Variants in MN1 observed in about 807,000 individuals in gnomAD.
MN1 encodes the protein transcriptional activator MN1.
MN1 carries 19 observed loss-of-function variants against 86.9 expected under a neutral mutation model. The observed-to-expected ratio is 0.22, with a 90% CI of 0.15 to 0.32. The LOEUF is 0.32. Among genes scored for constraint, MN1 ranks in the 10% least tolerant of loss-of-function variants. The pLI, the probability that MN1 is intolerant of heterozygous loss-of-function variation, is 1.00. For missense variants in MN1, 1,841 were observed against 1,862.0 expected (o/e 0.99, Z 0.21); for synonymous variants, 928 against 849.6 (o/e 1.09, Z -1.60).
rs1198450862 is a variant in MN1, at chr22:27,799,924, G to C, written c.620C>G (p.Pro207Arg). The change falls in exon 1 of 2, where the codon CCG becomes CGG. Residue 207 changes from proline (P) to arginine (R), a missense_variant. Physicochemically the swap from Pro to Arg is moderately radical, Grantham distance 103. Transcript: ENST00000302326. ...PNRAASFHGL[P>R]SSSGSDSHSL... ...GTGGGAATCGGAGCCGCTGGAGGAC[G>C]GCAGGCCGTGGAAGGAGGCGGCTCG... The C allele has an allele frequency of 6.2e-7, 1 of 1,603,026 alleles. No homozygotes were observed. The highest frequency in any genetic ancestry group is 8.5e-7 in the Non-Finnish European group (1 of 1,175,900).
intron 1 of MN1, among the ~76,000 whole-genome samples, chr22:27,793,440 A>G (rs947843484): frequency 6.6e-6 from 1 of 150,984 alleles, no homozygotes; most frequent in African/African-American, 2.5e-5. Context: ...TATAATTCTC[A>G]CCAATTTAAT....
chr22:27,796,245 T>C (rs762604962), intron 1 of MN1, among the ~76,000 whole-genome samples: 1 of 152,134 alleles, frequency 6.6e-6, no homozygotes, highest in African/African-American at 2.4e-5. Context: ...ACACCAGGGC[T>C]GGTAACTTTT....
intron 1 of MN1, among the ~76,000 whole-genome samples, chr22:27,761,379 T>C (rs909323172): frequency 6.6e-6 from 1 of 151,256 alleles, no homozygotes; most frequent in Non-Finnish European, 1.5e-5. Flanking sequence ...TCTCTAGTTC[T>C]TCTTATTTCT....
intron 1 of MN1, among the ~76,000 whole-genome samples, chr22:27,774,397 G>A (rs1221600999): frequency 1.3e-5 from 2 of 152,152 alleles, no homozygotes; most frequent in African/African-American, 4.8e-5. Context: ...CTCCCCACCA[G>A]AGGGAGCACA....
chr22:27,780,733 C>T lies in MN1; in HGVS notation c.3781+16030G>A, dbSNP rs568707895. On this transcript the variant is annotated intron_variant, in intron 1 of 1. Coordinates refer to ENST00000302326, the MANE Select transcript of MN1 (RefSeq NM_002430.3). ...GCACATCCCCTCTTCTAATTCTCTG[C>T]GTTCTTCTTTGTTGTCTGTCATTCT... is the stretch of plus-strand genomic sequence containing the variant. Among the ~76,000 whole-genome samples the T allele has an allele frequency of 4.7e-4, 72 of 152,254 alleles. 1 individual carries two copies. In the South Asian group the frequency reaches 0.014, roughly 30 times the overall value.
intron 1 of MN1, among the ~76,000 whole-genome samples, chr22:27,754,708 T>C (rs1407467679): frequency 6.6e-6 from 1 of 152,142 alleles, no homozygotes; most frequent in African/African-American, 2.4e-5. Flanking sequence ...CCTCAAGTCA[T>C]GGCCTGCCCC....
Position 27,765,038 on chromosome 22 carries a change from T to C in MN1, c.3782-13942A>G, listed in dbSNP as rs372629118. On this transcript the variant is annotated intron_variant, in intron 1 of 1. Transcript: ENST00000302326. ...TTCTCCAGAGAAATGGTTAAACAAA[T>C]ATCTGGGCACCTCATGACCCAGTCA... Among the ~76,000 whole-genome samples the C allele has an allele frequency of 9.8e-5, 15 of 152,318 alleles. No individual in the cohort carries two copies. The South Asian group carries it at 2.7e-3, about 27-fold the overall frequency.
chr22:27,799,822 G>C lies in MN1; in HGVS notation c.722C>G (p.Ser241Trp). ...GGGCGAAAACATGTCAAAATGTCCC[G>C]AGGGCGCCTCGCCCGGGTAATTGTA... is the stretch of plus-strand genomic sequence containing the variant. ...LEYNYPGEAP[S>W]GHFDMFSPSD... Residue 241 changes from serine to tryptophan, a missense_variant, in exon 1 of 2, where the codon TCG (serine) becomes TGG (tryptophan). Physicochemically the swap from Ser to Trp is radical, Grantham distance 177. Coordinates refer to ENST00000302326, the MANE Select transcript of MN1 (RefSeq NM_002430.3). The C allele has an allele frequency of 6.3e-7, 1 of 1,597,418 alleles. No individual in the cohort carries two copies. Among genetic ancestry groups the C allele is most frequent in the Non-Finnish European group, 8.5e-7 (1 of 1,170,814 alleles).
In MN1 at chr22:27,786,239, G is replaced by A. The variant is rs993823320; in HGVS notation, c.3781+10524C>T. 3.9e-5 allele frequency among the ~76,000 whole-genome samples: 6 copies of A among 152,158 alleles called. No individual in the cohort carries two copies. The East Asian group carries it at 9.6e-4, about 24-fold the overall frequency. ...GGGGAGCCCAGAGAGGAAGAGGGGG[G>A]CCCCCCAAAGAAGCCAGGCTGAAGT... is the stretch of plus-strand genomic sequence containing the variant. On this transcript the variant is annotated intron_variant, in intron 1 of 1. Coordinates refer to ENST00000302326, the MANE Select transcript of MN1 (RefSeq NM_002430.3).
In MN1 at chr22:27,798,561, G is replaced by A; in HGVS notation, c.1983C>T (p.Pro661=). ...CAGGCGGAGGAGGGGGCGCCAGGCT[G>A]GGGTCGTGCGGGCCACAGTCAGCGG... ...GLPADCGPHD[P]SLAPPPPPGG... is the part of the protein sequence containing the mutation. Residue 661 remains proline, a synonymous_variant, in exon 1 of 2, where the codon CCC becomes CCT. Transcript: ENST00000302326. The A allele has an allele frequency of 6.5e-7, 1 of 1,527,368 alleles. No homozygotes were observed. The highest frequency in any genetic ancestry group is 8.7e-7 in the Non-Finnish European group (1 of 1,147,316). The allele number at this position is 1,527,368 out of a possible 1,614,324, so 94.6% of individuals were successfully genotyped here. A position where few individuals can be genotyped will look rare whatever the true frequency, so the allele number is the denominator to read the frequency against.
intron 1 of MN1, among the ~76,000 whole-genome samples, chr22:27,795,740 C>CAT (rs10676566): frequency 0.013 from 1,937 of 151,980 alleles, 19 homozygotes; most frequent in Non-Finnish European, 0.019. Flanking sequence ...CACACACACA[C>CAT]GCACTTTATA....
Position 27,798,071 on chromosome 22 carries a change from G to A in MN1, c.2473C>T (p.Leu825=), listed in dbSNP as rs1310151262. 5 of 1,611,144 alleles carry A rather than the reference G, an allele frequency of 3.1e-6. No homozygotes were observed. The African/African-American group carries it at 6.7e-5, about 22-fold the overall frequency. Residue 825 remains leucine (L), a synonymous_variant, in exon 1 of 2, where the codon CTG becomes TTG. Transcript: ENST00000302326. ...SKDNLFGQSC[L]AALSTACQNM... ...TGGCAAGCGGTGGAGAGCGCAGCCAGGCAGCTCTGGCCGAACAGGTTGTCC... is the reference window on the plus strand; with the variant it reads ...TGGCAAGCGGTGGAGAGCGCAGCCAAGCAGCTCTGGCCGAACAGGTTGTCC...
chr22:27,760,232 C>T (rs1443046062), intron 1 of MN1, among the ~76,000 whole-genome samples: 1 of 152,070 alleles, frequency 6.6e-6, no homozygotes, highest in East Asian at 1.9e-4. Flanking sequence ...GTAGTCTCAA[C>T]TACTTGGGAG....
chr22:27,798,985 T>C lies in MN1; in HGVS notation c.1559A>G (p.Gln520Arg), dbSNP rs1933374860. ...PPLQHPAPDH[Q>R]SLQQQQQQQQ... ...CTGCTGCTGCTGCTGTTGCAGGGAC[T>C]GGTGGTCCGGGGCCGGATGCTGCAG... is the stretch of plus-strand genomic sequence containing the variant. The change falls in exon 1 of 2, where the codon CAG becomes CGG. Residue 520 changes from glutamine (Q) to arginine (R), a missense_variant. Coordinates refer to ENST00000302326, the MANE Select transcript of MN1 (RefSeq NM_002430.3). 3.7e-6 allele frequency: 6 copies of C among 1,606,776 alleles called. No homozygotes were observed. Among genetic ancestry groups the C allele is most frequent in the Admixed American group, 1.7e-5 (1 of 59,128 alleles).
rs1471709384 is a variant in MN1 at position 27,797,201 on chromosome 22, G to T, written c.3343C>A (p.Pro1115Thr). 5 of 1,558,774 alleles carry T rather than the reference G, an allele frequency of 3.2e-6. No homozygotes were observed. In the African/African-American group the frequency reaches 6.8e-5, roughly 21 times the overall value. Reference sequence around the variant, plus strand: ...CCCCCACCGCCGCCGTAGCTGTCAGGGGTCGAGGTAGAGTTAGACATGATG... The same window carrying T: ...CCCCCACCGCCGCCGTAGCTGTCAGTGGTCGAGGTAGAGTTAGACATGATG... ...LGIMSNSTSTPDSYGGGGGPG... is the reference protein window; with the variant it reads ...LGIMSNSTSTTDSYGGGGGPG... Residue 1115 changes from proline (P) to threonine (T), a missense_variant, in exon 1 of 2, where the codon CCT (proline) becomes ACT (threonine). Coordinates refer to ENST00000302326, the MANE Select transcript of MN1 (RefSeq NM_002430.3).
intron 1 of MN1, among the ~76,000 whole-genome samples, chr22:27,772,623 G>A (rs576601620): frequency 5.9e-5 from 9 of 152,136 alleles, no homozygotes; most frequent in Non-Finnish European, 1.3e-4. Flanking sequence ...GGAGAGTGGT[G>A]TGCTGGTGAG....
chr22:27,799,374 G>A lies in MN1; in HGVS notation c.1170C>T (p.Ser390=). 1.9e-6 allele frequency: 3 copies of A among 1,546,708 alleles called. No individual in the cohort carries two copies. The highest frequency in any genetic ancestry group is 1.7e-6 in the Non-Finnish European group (2 of 1,149,178). Residue 390 remains serine, a synonymous_variant, in exon 1 of 2, where the codon AGC becomes AGT. Coordinates refer to ENST00000302326, the MANE Select transcript of MN1 (RefSeq NM_002430.3). The part of the protein sequence containing the change: ...RPQQGEAGTP[S]GGLQDGGPML... ...TGGGGCCTCCGTCCTGCAGGCCGCC[G>A]CTGGGCGTGCCCGCCTCGCCCTGCT... is the stretch of plus-strand genomic sequence containing the variant.
At position 27,750,850 on chromosome 22, in the gene MN1, G is replaced by T; in HGVS notation, c.*65C>A. On this transcript the variant is annotated 3_prime_UTR_variant, in exon 2 of 2. Coordinates refer to ENST00000302326, the MANE Select transcript of MN1 (RefSeq NM_002430.3). Reference sequence around the variant, plus strand: ...ATTAACAGAGGGGTGGGGTAAGGTTGAGGGGGAAGGAAACAGACAGGGGGA... The same window carrying T: ...ATTAACAGAGGGGTGGGGTAAGGTTTAGGGGGAAGGAAACAGACAGGGGGA... 1.4e-6 allele frequency: 2 copies of T among 1,411,596 alleles called. No individual in the cohort carries two copies. The highest frequency in any genetic ancestry group is 1.9e-6 in the Non-Finnish European group (2 of 1,039,512). The allele number at this position is 1,411,596 out of a possible 1,614,324, so 87.4% of individuals were successfully genotyped here.
In MN1 at chr22:27,786,982, T is replaced by G. The variant is rs190867062; in HGVS notation, c.3781+9781A>C. Among the ~76,000 whole-genome samples the G allele has an allele frequency of 3.3e-5, 5 of 152,332 alleles. No homozygotes were observed. The East Asian group carries it at 7.7e-4, about 23-fold the overall frequency. On this transcript the variant is annotated intron_variant, in intron 1 of 1. Coordinates refer to ENST00000302326, the MANE Select transcript of MN1 (RefSeq NM_002430.3). The stretch of plus-strand genomic sequence containing the variant: ...ATTAATCATGCCTTTCCCGGAGGCC[T>G]AACAGGATTACAAATTCGGCAAAAA...
Sources: gnomAD v4.1 joint callset for allele counts (sites outside exome capture counted in the v4.1 genomes callset) on GRCh38, gnomAD v4.1.1 for gene constraint, MANE v1.5 for transcripts, NCBI Gene and HGNC (gene_info 2026-07-23, HGNC 2026-07-21) for gene names.